Variants in ANK2 observed in about 807,000 individuals in gnomAD.
ANK2 encodes ankyrin-2.
ANK2 carries 83 observed loss-of-function variants against 360.5 expected under a neutral mutation model. The observed-to-expected ratio is 0.23, with a 90% CI of 0.19 to 0.28. The LOEUF is 0.28. Ranked by LOEUF, ANK2 falls within the 10% of genes least tolerant of loss-of-function variation. ANK2 has a pLI of 1.00. For synonymous variants in ANK2, 1,740 were observed against 1,759.5 expected, an observed-to-expected ratio of 0.99 and a Z score of 0.28; for missense variants, 4,201 against 4,795.7, an observed-to-expected ratio of 0.88 and a Z score of 3.66.
rs750360460 is a variant in ANK2, at chr4:113,355,232, T to C, written c.6614T>C (p.Leu2205Pro). Reference protein sequence around the residue: ...SGALDGSSESLKNEGVAGSPC... With the variant: ...SGALDGSSESPKNEGVAGSPC... The stretch of plus-strand genomic sequence containing the variant: ...GCTTTAGATGGCAGTTCTGAAAGCC[T>C]AAAGAATGAGGGGGTAGCCGGCTCT... The change falls in exon 38 of 46, where the codon CTA becomes CCA. Residue 2205 changes from leucine (L) to proline (P), a missense_variant. Leu to Pro is a moderately conservative substitution (Grantham distance 98). Transcript: ENST00000357077. The C allele has an allele frequency of 7.6e-5, 123 of 1,613,902 alleles. No individual in the cohort carries two copies. Among genetic ancestry groups the C allele is most frequent in the Non-Finnish European group, 1.0e-4 (120 of 1,179,952 alleles).
chr4:112,978,192 C>T (rs2042040519), intron 2 of ANK2, among the ~76,000 whole-genome samples: 1 of 151,656 alleles, frequency 6.6e-6, no homozygotes, highest in Non-Finnish European at 1.5e-5. Flanking sequence ...TGCAGTGAGT[C>T]GAGATTGCGC....
Position 112,874,080 on chromosome 4 carries a change from CTT to C in ANK2, c.-39-30357_-39-30356del, listed in dbSNP as rs544871774. On this transcript the variant is annotated intron_variant, in intron 1 of 30. Coordinates refer to the ANK2 transcript ENST00000503271. ...CACACACAAAAGCTCTTGGGGTTCT[CTT>C]TTTTTTTTTTTTTTTTTGAGTCAGA... 9.6e-3 allele frequency among the ~76,000 whole-genome samples: 1,169 copies of C among 122,046 alleles called. 7 individuals are homozygous for C. The highest frequency in any genetic ancestry group is 0.023 in the African/African-American group (753 of 32,714). The allele number at this position is 122,046 out of a possible 152,430, so 80.1% of individuals were successfully genotyped here. A position where few individuals can be genotyped will look rare whatever the true frequency, so the allele number is the denominator to read the frequency against.
the ANK2 span, chr4:112,797,060 G>C: frequency 2.5e-5 from 5 of 202,714 alleles, no homozygotes; most frequent in Admixed American, 4.6e-5. Context: ...GTCATCTACT[G>C]TTGGCTTCAT....
intron 2 of ANK2, among the ~76,000 whole-genome samples, chr4:112,969,978 A>G (rs917840593): frequency 1.3e-5 from 2 of 152,028 alleles, no homozygotes; most frequent in Non-Finnish European, 2.9e-5. Context: ...CTAGAGACAT[A>G]TAATTTTATT....
At chr4:112,857,546 A>ACC (rs914995101) in intron 1 of ANK2, among the ~76,000 whole-genome samples, 3 of 152,318 alleles carry the variant, frequency 2.0e-5, no homozygotes, top group African/African-American at 7.2e-5. Context: ...ACAAGAGCAT[A>ACC]CTTGCCCAGA....
At chr4:113,004,526 T>C (rs948083283) in intron 2 of ANK2, among the ~76,000 whole-genome samples, 8 of 152,292 alleles carry the variant, frequency 5.3e-5, no homozygotes, top group African/African-American at 1.9e-4. Flanking sequence ...GTAACACACA[T>C]GGAGCTGTCA....
intron 1 of ANK2, among the ~76,000 whole-genome samples, chr4:112,847,384 C>T (rs1306593758): frequency 6.6e-6 from 1 of 152,172 alleles, no homozygotes; most frequent in Non-Finnish European, 1.5e-5. Flanking sequence ...TTCTTTATAT[C>T]TTACTCTCCA....
chr4:113,306,899 G>A (rs1203008113), intron 23 of ANK2, among the ~76,000 whole-genome samples: 2 of 152,150 alleles, frequency 1.3e-5, no homozygotes, highest in Non-Finnish European at 2.9e-5. Context: ...AGACAGAAAT[G>A]GGAATTCAGT....
intron 1 of ANK2, among the ~76,000 whole-genome samples, chr4:112,895,506 C>T (rs1315251589): frequency 6.6e-6 from 1 of 152,148 alleles, no homozygotes; most frequent in African/African-American, 2.4e-5. Context: ...TGGATTTCTC[C>T]TCAGAGTGGC....
At chr4:112,788,312 C>A in the ANK2 span, 35 of 1,565,064 alleles carry the variant, frequency 2.2e-5, no homozygotes, top group Admixed American at 5.1e-4. Context: ...GACGAGACGT[C>A]CCAGTCTTGC....
intron 1 of ANK2, among the ~76,000 whole-genome samples, chr4:112,844,378 C>T (rs888876595): frequency 2.0e-5 from 3 of 152,206 alleles, no homozygotes; most frequent in Non-Finnish European, 4.4e-5. Flanking sequence ...TACATTATTA[C>T]TTACATGTTA....
rs148779278 is a variant in ANK2, at chr4:112,834,631, A to G, written c.-40+16367A>G. ...TATTATAAGGACTTAAAAAAACACT[A>G]CAAAGCCATTATCATATCTCAGAAA... is the stretch of plus-strand genomic sequence containing the variant. On this transcript the variant is annotated intron_variant, in intron 1 of 30. Coordinates refer to the ANK2 transcript ENST00000503271. 1.2e-4 allele frequency among the ~76,000 whole-genome samples: 18 copies of G among 152,320 alleles called. No individual in the cohort carries two copies. In the East Asian group the frequency reaches 2.3e-3, roughly 20 times the overall value.
intron 45 of ANK2, among the ~76,000 whole-genome samples, chr4:113,374,348 CAT>C (rs760835726): frequency 6.6e-6 from 1 of 152,300 alleles, no homozygotes; most frequent in Non-Finnish European, 1.5e-5. Flanking sequence ...ATATTATACA[CAT>C]GAGATTCTCT....
At chr4:113,088,799 T>G (rs900037793) in intron 1 of ANK2, among the ~76,000 whole-genome samples, 3 of 152,122 alleles carry the variant, frequency 2.0e-5, no homozygotes, top group African/African-American at 7.2e-5. Context: ...AAACTGAGGC[T>G]CAGAGAAGTT....
At chr4:112,947,290 T>A (rs1378970043) in intron 2 of ANK2, among the ~76,000 whole-genome samples, 1 of 152,228 alleles carries the variant, frequency 6.6e-6, no homozygotes, top group East Asian at 1.9e-4. Flanking sequence ...TGGAAATCTT[T>A]GCTTTGGGAT....
the ANK2 span, among the ~76,000 whole-genome samples, chr4:112,732,807 C>T: frequency 4.3e-4 from 66 of 152,226 alleles, no homozygotes; most frequent in East Asian, 0.011. Flanking sequence ...TCAGGCTGGG[C>T]GTGGTGGCTC....
At chr4:112,853,222 C>T (rs2065466433) in intron 1 of ANK2, among the ~76,000 whole-genome samples, 1 of 152,210 alleles carries the variant, frequency 6.6e-6, no homozygotes, top group Non-Finnish European at 1.5e-5. Context: ...GCATGCACTA[C>T]CACACCTGGC....
At chr4:113,320,242 A>G (rs2085319976) in intron 26 of ANK2, among the ~76,000 whole-genome samples, 1 of 152,224 alleles carries the variant, frequency 6.6e-6, no homozygotes, top group South Asian at 2.1e-4. Flanking sequence ...TAAGATAAAG[A>G]TCTTTAAATT....
intron 1 of ANK2, among the ~76,000 whole-genome samples, chr4:112,829,561 G>T (rs2059256605): frequency 6.8e-6 from 1 of 146,624 alleles, no homozygotes; most frequent in Admixed American, 7.0e-5. Flanking sequence ...CACACAGGCG[G>T]CCAACAGGCA....
Sources: allele counts gnomAD v4.1 joint callset (sites outside exome capture counted in the v4.1 genomes callset), GRCh38; gene constraint gnomAD v4.1.1; transcripts MANE v1.5; gene names NCBI Gene and HGNC (gene_info 2026-07-23, HGNC 2026-07-21).